TRIM24: variants seen among roughly 807,000 people sequenced by gnomAD.
TRIM24 encodes the protein transcription intermediary factor 1-alpha.
TRIM24 carries 29 observed loss-of-function variants against 123.9 expected under a neutral mutation model. The ratio of observed to expected loss-of-function variants is 0.23; its 90% CI spans 0.17 to 0.32. The LOEUF is 0.32. Among genes scored for constraint, TRIM24 ranks in the 10% least tolerant of loss-of-function variants. The pLI is 1.00. For missense variants in TRIM24, 932 were observed against 1,295.3 expected, an observed-to-expected ratio of 0.72 and a Z score of 4.31; for synonymous variants, 456 against 461.1, an observed-to-expected ratio of 0.99 and a Z score of 0.14.
intron 1 of TRIM24, among the ~76,000 whole-genome samples, chr7:138,478,011 G>T (rs1447375394): frequency 6.6e-6 from 1 of 152,134 alleles, no homozygotes; most frequent in Non-Finnish European, 1.5e-5. Context: ...TTGATAATTC[G>T]AGAATGAAAT....
At chr7:138,508,692 T>TGTGC (rs1422176564) in intron 2 of TRIM24, among the ~76,000 whole-genome samples, 5,002 of 137,118 alleles carry the variant, frequency 0.036, 122 homozygotes, top group South Asian at 0.077. Flanking sequence ...TGTGTGTGTG[T>TGTGC]GCGCGCGCGT....
intron 1 of TRIM24, among the ~76,000 whole-genome samples, chr7:138,474,303 T>A (rs1418302726): frequency 6.6e-6 from 1 of 151,774 alleles, no homozygotes; most frequent in Non-Finnish European, 1.5e-5. Context: ...TTTTTTGTAT[T>A]TTTAGTAGAG....
At chr7:138,539,754 G>A (rs1215931980) in intron 7 of TRIM24, among the ~76,000 whole-genome samples, 1 of 149,714 alleles carries the variant, frequency 6.7e-6, no homozygotes, top group Non-Finnish European at 1.5e-5. Context: ...CTGTGCAGTA[G>A]TATTATGTTT....
In TRIM24 at chr7:138,588,207, A is replaced by T. The variant is rs1053942489; in HGVS notation, c.*3256A>T. 1 of 152,206 alleles carries T rather than the reference A, an allele frequency of 6.6e-6. No homozygotes were observed. Among genetic ancestry groups the T allele is most frequent in the African/African-American group, 2.4e-5 (1 of 41,446 alleles). 9.4% of individuals were successfully genotyped at this position (152,206 alleles called of 1,614,324 possible). A position where few individuals can be genotyped will look rare whatever the true frequency, so the allele number is the denominator to read the frequency against. On this transcript the variant is annotated 3_prime_UTR_variant, in exon 19 of 19. Transcript: ENST00000343526. ...TGCTATGCTGTTACTGTGCTTAGAC[A>T]CTTCCTTACGTTTGAGTTCCAAGGA...
chr7:138,495,142 T>G (rs1369304033), intron 1 of TRIM24, among the ~76,000 whole-genome samples: 4 of 152,206 alleles, frequency 2.6e-5, no homozygotes, highest in African/African-American at 9.6e-5. Context: ...AAATGATTAT[T>G]TATAGGGAAG....
At position 138,538,722 on chromosome 7, in the gene TRIM24, A is replaced by G. The variant is rs150981872; in HGVS notation, c.1062A>G (p.Lys354=). The change falls in exon 7 of 19, where the codon AAA becomes AAG. Residue 354 remains lysine (K), a synonymous_variant. Coordinates refer to ENST00000343526, the MANE Select transcript of TRIM24 (RefSeq NM_015905.3). ...QQQQEVAGLS[K]QLEHVMHFSK... ...AACAGGAAGTGGCTGGACTCTCTAA[A>G]CAATTGGAGCATGTCATGCATTTTT... 25 of 1,614,158 alleles carry G rather than the reference A, an allele frequency of 1.5e-5. No homozygotes were observed. The African/African-American group carries it at 3.1e-4, about 20-fold the overall frequency.
intron 7 of TRIM24, among the ~76,000 whole-genome samples, chr7:138,539,806 T>TTG (rs1453528796): frequency 2.0e-5 from 3 of 150,250 alleles, no homozygotes; most frequent in African/African-American, 7.3e-5. Flanking sequence ...GTAATCTTTT[T>TTG]TTTTTTTTTT....
At position 138,587,468 on chromosome 7, in the gene TRIM24, A is replaced by C. The variant is rs1360290733; in HGVS notation, c.*2517A>C. ...CTGTGTGCCCAGGTGGATCTCAGCT[A>C]AGTCATCCTTAAATTCTGTTCAAAT... On this transcript the variant is annotated 3_prime_UTR_variant, in exon 19 of 19. Coordinates refer to ENST00000343526, the MANE Select transcript of TRIM24 (RefSeq NM_015905.3). 1 of 152,224 alleles carries C rather than the reference A, an allele frequency of 6.6e-6. No individual in the cohort carries two copies. The highest frequency in any genetic ancestry group is 1.5e-5 in the Non-Finnish European group (1 of 68,046). The allele number at this position is 152,224 out of a possible 1,614,324, so 9.4% of individuals were successfully genotyped here.
At chr7:138,520,874 A>C (rs78851621) in intron 4 of TRIM24, among the ~76,000 whole-genome samples, 3,252 of 152,258 alleles carry the variant, frequency 0.021, 95 homozygotes, top group African/African-American at 0.071. Context: ...TCTAATGTGG[A>C]TGTAATTGCA....
intron 9 of TRIM24, among the ~76,000 whole-genome samples, chr7:138,567,270 T>A (rs1032238550): frequency 1.3e-5 from 2 of 152,302 alleles, no homozygotes; most frequent in Admixed American, 1.3e-4. Flanking sequence ...CTCCCAAGGT[T>A]CTTTCCTAGT....
chr7:138,516,808 G>GT (rs1224612357), intron 3 of TRIM24, among the ~76,000 whole-genome samples: 16 of 131,882 alleles, frequency 1.2e-4, no homozygotes, highest in African/African-American at 1.7e-4. Context: ...TAGCAAAACC[G>GT]TTTTGTTTTT....
At chr7:138,499,804 C>G (rs1224421452) in intron 1 of TRIM24, among the ~76,000 whole-genome samples, 5 of 151,082 alleles carry the variant, frequency 3.3e-5, no homozygotes, top group African/African-American at 1.2e-4. Context: ...TGTTAGCATT[C>G]TGTTTTTTTT....
chr7:138,463,023 C>T (rs1246375826), intron 1 of TRIM24, among the ~76,000 whole-genome samples: 2 of 148,918 alleles, frequency 1.3e-5, no homozygotes, highest in African/African-American at 4.9e-5. Context: ...GCATGCGCCA[C>T]CACGTCCGGC....
chr7:138,573,803 T>C (rs1009739363), intron 12 of TRIM24, among the ~76,000 whole-genome samples, 161 bp downstream of exon 12: 3 of 152,208 alleles, frequency 2.0e-5, no homozygotes, highest in Non-Finnish European at 4.4e-5. Flanking sequence ...TTAAATTTCT[T>C]TATCCTTTCT....
At chr7:138,533,762 ATTCG>A (rs1270055526) in intron 6 of TRIM24, among the ~76,000 whole-genome samples, 1 of 152,074 alleles carries the variant, frequency 6.6e-6, no homozygotes, top group Non-Finnish European at 1.5e-5. Flanking sequence ...CTGTTTTTCT[ATTCG>A]TTGGAATAGT....
intron 1 of TRIM24, among the ~76,000 whole-genome samples, chr7:138,471,309 T>C (rs957997108): frequency 1.3e-5 from 2 of 152,206 alleles, no homozygotes; most frequent in African/African-American, 4.8e-5. Context: ...CTGTAGTATA[T>C]GTACAGTACA....
chr7:138,542,331 G>A (rs1480671402), intron 7 of TRIM24, among the ~76,000 whole-genome samples: 1 of 152,078 alleles, frequency 6.6e-6, no homozygotes, highest in Non-Finnish European at 1.5e-5. Context: ...ACTATTGTAG[G>A]GTTATTAAAT....
chr7:138,588,126 CAAAA>C lies in TRIM24; in HGVS notation c.*3179_*3182del, dbSNP rs35576175. The C allele has an allele frequency of 6.6e-6, 1 of 151,788 alleles. No individual in the cohort carries two copies. Among genetic ancestry groups the C allele is most frequent in the Non-Finnish European group, 1.5e-5 (1 of 67,928 alleles). 9.4% of individuals were successfully genotyped at this position (151,788 alleles called of 1,614,324 possible). A position where few individuals can be genotyped will look rare whatever the true frequency, so the allele number is the denominator to read the frequency against. On this transcript the variant is annotated 3_prime_UTR_variant, in exon 19 of 19. Coordinates refer to ENST00000343526, the MANE Select transcript of TRIM24 (RefSeq NM_015905.3). Reference sequence around the variant, plus strand: ...CTTTCAAAAAGGTTACCTCCATAGTCAAAAAAAGGGGGAGTATACAGCTGATTGT... The same window carrying C: ...CTTTCAAAAAGGTTACCTCCATAGTCAAAGGGGGAGTATACAGCTGATTGT...
rs764592768 is a variant in TRIM24 at position 138,584,814 on chromosome 7, C to T, written c.3016C>T (p.Pro1006Ser). ...TGAAGAACTTCTAAAGAACCTCTAT[C>T]CAGAAAAAAGGTTTCCCAAACCAGA... is the stretch of plus-strand genomic sequence containing the variant. ...YFEELLKNLY[P>S]EKRFPKPEFR... The change falls in exon 19 of 19, where the codon CCA becomes TCA. Residue 1006 changes from proline to serine, a missense_variant. Pro to Ser is a moderately conservative substitution (Grantham distance 74). Around this residue, in one of 7 missense-constraint regions of TRIM24, gnomAD observed 104 missense variants for 121.5 expected, o/e 0.86. Transcript: ENST00000343526. 1 of 1,613,192 alleles carries T rather than the reference C, an allele frequency of 6.2e-7. No individual in the cohort carries two copies. Among genetic ancestry groups the T allele is most frequent in the Non-Finnish European group, 8.5e-7 (1 of 1,179,684 alleles).
Sources: gnomAD v4.1 joint callset for allele counts (sites outside exome capture counted in the v4.1 genomes callset) on GRCh38, gnomAD v4.1.1 for gene constraint, gnomAD v4.1.1 regional missense constraint, MANE v1.5 for transcripts, NCBI Gene and HGNC (gene_info 2026-07-23, HGNC 2026-07-21) for gene names.